Variants in GALNT13 observed in about 807,000 individuals in gnomAD.
GALNT13 encodes polypeptide N-acetylgalactosaminyltransferase 13.
GALNT13 carries 28 observed loss-of-function variants against 64.2 expected under a neutral mutation model. That is an observed-to-expected ratio of 0.44 (90% confidence interval 0.32 to 0.60). The LOEUF is 0.60. Ranked by LOEUF, GALNT13 falls within the 20% of genes least tolerant of loss-of-function variation. GALNT13 has a pLI of 0.05. For synonymous variants in GALNT13, 214 were observed against 224.6 expected (o/e 0.95, Z 0.42); for missense variants, 577 against 669.8 (o/e 0.86, Z 1.53).
the GALNT13 span, among the ~76,000 whole-genome samples, chr2:153,098,543 A>G: frequency 2.6e-5 from 4 of 152,326 alleles, no homozygotes; most frequent in African/African-American, 9.6e-5. Flanking sequence ...AAATGAAACC[A>G]TGTATTTTTC....
intron 3 of GALNT13, among the ~76,000 whole-genome samples, chr2:154,133,090 T>C (rs1255312285): frequency 6.6e-6 from 1 of 152,142 alleles, no homozygotes; most frequent in African/African-American, 2.4e-5. Context: ...ACCTTCCATC[T>C]AAACTAAACG....
the GALNT13 span, among the ~76,000 whole-genome samples, chr2:153,530,796 A>G: frequency 6.6e-6 from 1 of 152,208 alleles, no homozygotes; most frequent in Admixed American, 6.5e-5. Flanking sequence ...GGAAAAGACA[A>G]TGTCTTCAAT....
At chr2:154,285,786 A>T (rs1472708003) in intron 8 of GALNT13, among the ~76,000 whole-genome samples, 1 of 152,162 alleles carries the variant, frequency 6.6e-6, no homozygotes, top group African/African-American at 2.4e-5. Context: ...TTTGCATGGA[A>T]TCTGTAGATT....
intron 3 of GALNT13, among the ~76,000 whole-genome samples, chr2:153,947,446 T>G (rs986037856): frequency 6.6e-6 from 1 of 151,974 alleles, no homozygotes; most frequent in Non-Finnish European, 1.5e-5. Flanking sequence ...ATGTTGAGTT[T>G]TTTTTTTTTC....
chr2:154,186,026 T>C (rs979866166), intron 4 of GALNT13, among the ~76,000 whole-genome samples: 3 of 152,094 alleles, frequency 2.0e-5, no homozygotes, highest in African/African-American at 7.2e-5. Context: ...GTCATAAAAT[T>C]ACATTGGCTA....
the GALNT13 span, among the ~76,000 whole-genome samples, chr2:153,433,446 G>A: frequency 6.6e-6 from 1 of 151,652 alleles, no homozygotes; most frequent in East Asian, 1.9e-4. Context: ...CTCTTATCCT[G>A]GTGTCATTAT....
the GALNT13 span, among the ~76,000 whole-genome samples, chr2:153,596,899 T>C: frequency 4.6e-5 from 7 of 152,228 alleles, no homozygotes; most frequent in South Asian, 8.3e-4. Flanking sequence ...AATATGCTTT[T>C]GAACAAATTA....
At chr2:153,612,390 C>T in the GALNT13 span, among the ~76,000 whole-genome samples, 3 of 151,912 alleles carry the variant, frequency 2.0e-5, no homozygotes, top group Non-Finnish European at 4.4e-5. Flanking sequence ...CACATGCACA[C>T]GTAGTATGTT....
At chr2:154,140,067 A>G (rs1056025289) in intron 3 of GALNT13, among the ~76,000 whole-genome samples, 1 of 152,088 alleles carries the variant, frequency 6.6e-6, no homozygotes. Flanking sequence ...ATATGACAGA[A>G]GTTTTAAGAT....
rs182878873 is a variant in GALNT13, at chr2:153,949,972, T to C, written c.142+5333T>C. Among the ~76,000 whole-genome samples the C allele has an allele frequency of 4.2e-3, 632 of 152,138 alleles. 4 individuals carry two copies. The highest frequency in any genetic ancestry group is 0.015 in the African/African-American group (603 of 41,526). ...ATGAAGTTTGGATTTAGGACTTAAA[T>C]GTCAAAAACAAAATTTAAACTTTAG... On this transcript the variant is annotated intron_variant, in intron 3 of 12. Transcript: ENST00000392825.
chr2:153,515,586 C>T, the GALNT13 span, among the ~76,000 whole-genome samples: 1 of 152,154 alleles, frequency 6.6e-6, no homozygotes, highest in Non-Finnish European at 1.5e-5. Flanking sequence ...CTTCTTAAAA[C>T]TTCTACTGAG....
chr2:153,884,851 G>A (rs1405328050), intron 1 of GALNT13, among the ~76,000 whole-genome samples: 2 of 68,294 alleles, frequency 2.9e-5, no homozygotes, highest in Non-Finnish European at 5.2e-5. Context: ...GTGTATATAT[G>A]TATATACACA....
At chr2:153,239,087 T>C in the GALNT13 span, among the ~76,000 whole-genome samples, 1 of 152,154 alleles carries the variant, frequency 6.6e-6, no homozygotes, top group African/African-American at 2.4e-5. Context: ...TATTTTATTT[T>C]ATTTGTAGTT....
At chr2:154,416,919 G>T (rs1156688400) in intron 11 of GALNT13, among the ~76,000 whole-genome samples, 1 of 152,190 alleles carries the variant, frequency 6.6e-6, no homozygotes, top group Non-Finnish European at 1.5e-5. Context: ...TGCAGCCATT[G>T]TTTCAAACTC....
the GALNT13 span, among the ~76,000 whole-genome samples, chr2:153,841,379 G>A: frequency 6.6e-6 from 1 of 152,112 alleles, no homozygotes; most frequent in Non-Finnish European, 1.5e-5. Flanking sequence ...TTACTTCACT[G>A]AGGAAATTAT....
At chr2:153,769,249 C>G in the GALNT13 span, among the ~76,000 whole-genome samples, 1 of 152,180 alleles carries the variant, frequency 6.6e-6, no homozygotes, top group Non-Finnish European at 1.5e-5. Flanking sequence ...TCATTTCCAT[C>G]TTTACAACCT....
the GALNT13 span, among the ~76,000 whole-genome samples, chr2:153,325,265 A>G: frequency 1.3e-5 from 2 of 150,800 alleles, no homozygotes; most frequent in African/African-American, 4.9e-5. Context: ...TTTCTTCTAG[A>G]TTTTCTAGTT....
the GALNT13 span, among the ~76,000 whole-genome samples, chr2:153,171,118 C>T: frequency 6.6e-6 from 1 of 152,230 alleles, no homozygotes; most frequent in Non-Finnish European, 1.5e-5. Context: ...ACTCCTGTAT[C>T]AGCCTGGGGC....
chr2:153,092,626 T>C, the GALNT13 span, among the ~76,000 whole-genome samples: 1 of 152,242 alleles, frequency 6.6e-6, no homozygotes, highest in African/African-American at 2.4e-5. Context: ...TCTGATTTCT[T>C]TCTCATGTTA....
Sources: allele counts gnomAD v4.1 joint callset (sites outside exome capture counted in the v4.1 genomes callset), GRCh38; gene constraint gnomAD v4.1.1; transcripts MANE v1.5; gene names NCBI Gene and HGNC (gene_info 2026-07-23, HGNC 2026-07-21).